Variants in MATN4 observed in about 807,000 individuals in gnomAD.
MATN4 encodes the protein matrilin 4.
In MATN4, 40 loss-of-function variants were observed where a neutral mutation model predicts 54.6. That is an observed-to-expected ratio of 0.73 (90% CI 0.57 to 0.95). The LOEUF (loss-of-function observed/expected upper bound fraction) is 0.95, where lower values mean the gene tolerates loss of function less well. Ranked by LOEUF, MATN4 falls within the 40% of genes least tolerant of loss-of-function variation. The pLI is 0.00. For missense variants in MATN4, 810 were observed against 819.1 expected, an observed-to-expected ratio of 0.99 and a Z score of 0.13; for synonymous variants, 351 against 345.3, an observed-to-expected ratio of 1.02 and a Z score of -0.18.
intron 4 of MATN4, 23 bp from the exon 5 acceptor site, chr20:45,301,247 A>G (rs1460497073): frequency 2.5e-6 from 4 of 1,613,664 alleles, no homozygotes; most frequent in Non-Finnish European, 3.4e-6. Flanking sequence ...AAGAAACAGC[A>G]AGATGTTGCC....
At chr20:45,296,341 C>G (rs1475005289) in intron 8 of MATN4, among the ~76,000 whole-genome samples, 1 of 150,870 alleles carries the variant, frequency 6.6e-6, no homozygotes, top group Non-Finnish European at 1.5e-5. Context: ...AAGCACAATA[C>G]CTGCCATTTA....
Position 45,308,242 on chromosome 20 carries a change from C to G in MATN4, c.-102G>C, listed in dbSNP as rs1169546150. On this transcript the variant is annotated 5_prime_UTR_variant, in exon 1 of 10. Coordinates refer to ENST00000372756, the MANE Select transcript of MATN4 (RefSeq NM_001393530.1). Reference sequence around the variant, plus strand: ...GCCGACAGGCGGAGCCTCCCGGGCACTTGGACCAGGTAACGGCGGCGTGGC... The same window carrying G: ...GCCGACAGGCGGAGCCTCCCGGGCAGTTGGACCAGGTAACGGCGGCGTGGC... 1 of 1,611,966 alleles carries G rather than the reference C, an allele frequency of 6.2e-7. No homozygotes were observed. Among genetic ancestry groups the G allele is most frequent in the Non-Finnish European group, 8.5e-7 (1 of 1,178,142 alleles).
chr20:45,304,218 C>A lies in MATN4; in HGVS notation c.643+10G>T, dbSNP rs368822743. 308 of 1,495,080 alleles carry A rather than the reference C, an allele frequency of 2.1e-4. No homozygotes were observed. Among genetic ancestry groups the A allele is most frequent in the Non-Finnish European group, 2.6e-4 (297 of 1,125,694 alleles). The allele number at this position is 1,495,080 out of a possible 1,614,324, so 92.6% of individuals were successfully genotyped here. ...AGTTCGAGCTTCACTCCAGCGCCCT[C>A]CTAACTCACCACACAGCCGGCTCTG... On this transcript the variant is annotated intron_variant, in intron 3 of 9. Coordinates refer to ENST00000372756, the MANE Select transcript of MATN4 (RefSeq NM_001393530.1).
At chr20:45,294,133 G>T in intron 8 of MATN4, 118 bp from the exon 9 acceptor site, 1 of 762,872 alleles carries the variant, frequency 1.3e-6, no homozygotes, top group Non-Finnish European at 2.1e-6. Flanking sequence ...AGAGACCTGG[G>T]CTGAGTCCCA....
At chr20:45,296,075 C>A (rs533656697) in intron 8 of MATN4, among the ~76,000 whole-genome samples, 1 of 151,540 alleles carries the variant, frequency 6.6e-6, no homozygotes, top group Admixed American at 6.6e-5. Context: ...ATTAGCCGGG[C>A]GTGGTGGCAT....
At chr20:45,305,823 A>G (rs1358224537) in intron 1 of MATN4, among the ~76,000 whole-genome samples, 1 of 1,896 alleles carries the variant, frequency 5.3e-4, no homozygotes, top group African/African-American at 1.7e-3. Context: ...TTTTTTTTTT[A>G]GATAGAGTCT....
chr20:45,308,188 A>ACT lies in MATN4; in HGVS notation c.-49_-48insAG. On this transcript the variant is annotated 5_prime_UTR_variant, in exon 1 of 10. Coordinates refer to ENST00000372756, the MANE Select transcript of MATN4 (RefSeq NM_001393530.1). ...CCTTTGACTCACCTGAGCCTGCAGGACAGATCAGAGATGCAGCTGCAGAGC... is the reference window on the plus strand; with the variant it reads ...CCTTTGACTCACCTGAGCCTGCAGGACTCAGATCAGAGATGCAGCTGCAGAGC... 6.2e-7 allele frequency: 1 copy of ACT among 1,614,102 alleles called. No individual in the cohort carries two copies. Among genetic ancestry groups the ACT allele is most frequent in the Non-Finnish European group, 8.5e-7 (1 of 1,179,956 alleles).
At chr20:45,303,311 A>G in intron 3 of MATN4, 2 of 674,708 alleles carry the variant, frequency 3.0e-6, no homozygotes, top group Non-Finnish European at 5.6e-6. Context: ...TTCCAGACTC[A>G]TTGGTCTGAT....
intron 8 of MATN4, 70 bp downstream of exon 8, chr20:45,297,848 G>A (rs1464748917): frequency 1.3e-6 from 2 of 1,573,218 alleles, no homozygotes; most frequent in Non-Finnish European, 1.7e-6. Context: ...GGCAGGGAGT[G>A]AATAGGAAGG....
At position 45,300,960 on chromosome 20, in the gene MATN4, C is replaced by T; in HGVS notation, c.939G>A (p.Val313=). 1 of 1,614,152 alleles carries T rather than the reference C, an allele frequency of 6.2e-7. No individual in the cohort carries two copies. Among genetic ancestry groups the T allele is most frequent in the Non-Finnish European group, 8.5e-7 (1 of 1,180,014 alleles). Residue 313 remains valine, a synonymous_variant, in exon 6 of 10, where the codon GTG becomes GTA. Coordinates refer to ENST00000372756, the MANE Select transcript of MATN4 (RefSeq NM_001393530.1). ...GVDHGCEFQC[V]SEGLSYRCLC... is the part of the protein sequence containing the mutation. ...GGCAGCGGTAGGAGAGGCCCTCGCTCACACACTGGAACTCACAGCCATGGT... is the reference window on the plus strand; with the variant it reads ...GGCAGCGGTAGGAGAGGCCCTCGCTTACACACTGGAACTCACAGCCATGGT...
chr20:45,297,767 G>A (rs1051015374), intron 8 of MATN4, 151 bp downstream of exon 8: 5 of 922,450 alleles, frequency 5.4e-6, no homozygotes, highest in African/African-American at 1.6e-5. Flanking sequence ...CCTGCCGCTG[G>A]CCTGCAGACC....
In MATN4 at chr20:45,298,407, A is replaced by G. The variant is rs752310758; in HGVS notation, c.1189T>C (p.Phe397Leu). 6 of 1,612,666 alleles carry G rather than the reference A, an allele frequency of 3.7e-6. No homozygotes were observed. In the South Asian group the frequency reaches 5.5e-5, roughly 15 times the overall value. ...GCGGTGCCGTAGCGACCCAGAGGGA[A>G]CTCGGTGCGCACGCGGCTCGAGAAC... ...VQFSSRVRTE[F>L]PLGRYGTAAE... The change falls in exon 7 of 10, where the codon TTC (phenylalanine) becomes CTC (leucine). Residue 397 changes from phenylalanine to leucine, a missense_variant. Phe to Leu is a conservative substitution (Grantham distance 22, BLOSUM62 0). Coordinates refer to ENST00000372756, the MANE Select transcript of MATN4 (RefSeq NM_001393530.1). The surrounding 1 kb of genome is among the most constrained non-coding windows in gnomAD (Gnocchi z 4.6).
chr20:45,294,001 C>G lies in MATN4; in HGVS notation c.1594G>C (p.Ala532Pro). Residue 532 changes from alanine to proline, a missense_variant, in exon 9 of 10, where the codon GCA becomes CCA. Ala to Pro is a conservative substitution (Grantham distance 27). Coordinates refer to ENST00000372756, the MANE Select transcript of MATN4 (RefSeq NM_001393530.1). ...CATGGGCTCCGAAGCTCTGTCCCTG[C>G]GCTGATGCCCTCCTCTGCAAGCCGG... is the stretch of plus-strand genomic sequence containing the variant. ...GSICPEEGIS[A>P]GTELRSPCEC... The G allele has an allele frequency of 6.2e-7, 1 of 1,601,840 alleles. No individual in the cohort carries two copies. Among genetic ancestry groups the G allele is most frequent in the Non-Finnish European group, 8.5e-7 (1 of 1,179,620 alleles).
At position 45,298,028 on chromosome 20, in the gene MATN4, G is replaced by A. The variant is rs780167650; in HGVS notation, c.1469C>T (p.Ala490Val). Reference sequence around the variant, plus strand: ...CTCCGAGGCGATCTCGCGCAGCTCCGCCTCCACCGCCTTGCCCACGCCCAC... The same window carrying A: ...CTCCGAGGCGATCTCGCGCAGCTCCACCTCCACCGCCTTGCCCACGCCCAC... ...YAVGVGKAVEAELREIASEPA... is the reference protein window; with the variant it reads ...YAVGVGKAVEVELREIASEPA... The change falls in exon 8 of 10, where the codon GCG becomes GTG. Residue 490 changes from alanine (A) to valine (V), a missense_variant. Transcript: ENST00000372756. The surrounding 1 kb of genome is among the most constrained non-coding windows in gnomAD (Gnocchi z 4.6). The A allele has an allele frequency of 3.1e-6, 5 of 1,613,686 alleles. No individual in the cohort carries two copies. In the South Asian group the frequency reaches 3.3e-5, roughly 11 times the overall value.
At chr20:45,303,082 CA>C (rs79635257) in intron 3 of MATN4, among the ~76,000 whole-genome samples, 1,601 of 82,774 alleles carry the variant, frequency 0.019, 12 homozygotes, top group African/African-American at 0.054. Context: ...GACTCTGTCT[CA>C]AAAAAAAAAA....
In MATN4 at chr20:45,298,198, C is replaced by G; in HGVS notation, c.1398G>C (p.Ser466=). The change falls in exon 7 of 10, where the codon TCG becomes TCC. Residue 466 remains serine, a synonymous_variant. Transcript: ENST00000372756. The surrounding 1 kb of genome is among the most constrained non-coding windows in gnomAD (Gnocchi z 4.6). ...FTDGRSQDDI[S]VWAARAKEEG... ...CCTCCTTGGCGCGCGCTGCCCACAC[C>G]GAGATGTCATCCTGGGAGCGGCCAT... 1 of 1,601,078 alleles carries G rather than the reference C, an allele frequency of 6.2e-7. No homozygotes were observed. The highest frequency in any genetic ancestry group is 2.2e-5 in the East Asian group (1 of 44,552).
At chr20:45,295,810 T>A (rs930764243) in intron 8 of MATN4, among the ~76,000 whole-genome samples, 1 of 152,212 alleles carries the variant, frequency 6.6e-6, no homozygotes, top group Non-Finnish European at 1.5e-5. Flanking sequence ...CAGGAGGCCT[T>A]ACAATTAAAA....
intron 2 of MATN4, 97 bp from the exon 3 acceptor site, chr20:45,304,894 T>A: frequency 1.4e-6 from 1 of 727,506 alleles, no homozygotes; most frequent in Admixed American, 3.0e-5. Flanking sequence ...TATGCCGACA[T>A]AACAGCGCCC....
In MATN4 at chr20:45,301,335, T is replaced by A; in HGVS notation, c.752A>T (p.Gln251Leu). ...GTGTTGCTCACCCCTGCAGCTCCTC[T>A]GGTCCTGCTGGAGTACAAAGCCAAC... ...CQVGFVLQQD[Q>L]RSCRAIDYCS... The change falls in exon 4 of 10, where the codon CAG becomes CTG. Residue 251 changes from glutamine (Q) to leucine (L), a missense_variant. By Grantham distance (113) the Gln-to-Leu change is moderately radical (BLOSUM62 -2). Coordinates refer to ENST00000372756, the MANE Select transcript of MATN4 (RefSeq NM_001393530.1). 6.2e-7 allele frequency: 1 copy of A among 1,614,168 alleles called. No individual in the cohort carries two copies. The highest frequency in any genetic ancestry group is 8.5e-7 in the Non-Finnish European group (1 of 1,180,024).
Sources: gnomAD v4.1 joint callset for allele counts (sites outside exome capture counted in the v4.1 genomes callset) on GRCh38, gnomAD v4.1.1 for gene constraint, Gnocchi (gnomAD v3.1) non-coding constraint, MANE v1.5 for transcripts, NCBI Gene and HGNC (gene_info 2026-07-23, HGNC 2026-07-21) for gene names.